The following WDR77 variants were observed in gnomAD, a reference collection of about 807,000 sequenced individuals.
WDR77 encodes the protein methylosome protein WDR77.
In WDR77, 31 loss-of-function variants were observed where a neutral mutation model predicts 44.0. The ratio of observed to expected loss-of-function variants is 0.70; its 90% CI spans 0.53 to 0.95. The LOEUF is 0.95. Ranked by LOEUF, WDR77 falls within the 40% of genes least tolerant of loss-of-function variation. WDR77 has a pLI of 0.00. For synonymous variants in WDR77, 186 were observed against 165.7 expected (o/e 1.12, Z -0.94); for missense variants, 390 against 423.9 (o/e 0.92, Z 0.70).
In WDR77 at chr1:111,447,467, G is replaced by A; in HGVS notation, c.411C>T (p.Gly137=). The change falls in exon 3 of 10, where the codon GGC becomes GGT. Residue 137 remains glycine (G), a synonymous_variant. Coordinates refer to ENST00000235090, the MANE Select transcript of WDR77 (RefSeq NM_024102.4). ...IVSTVSVLSS[G]TQAVSGSKDI... ...CTTTGCTACCACTGACAGCTTGTGT[G>A]CCAGAGCTCAAGACACTGACTGTAG... is the stretch of plus-strand genomic sequence containing the variant. The A allele has an allele frequency of 6.2e-7, 1 of 1,614,184 alleles. No individual in the cohort carries two copies. The highest frequency in any genetic ancestry group is 8.5e-7 in the Non-Finnish European group (1 of 1,180,024).
intron 4 of WDR77, among the ~76,000 whole-genome samples, chr1:111,446,371 G>A (rs1244584504): frequency 6.6e-6 from 1 of 152,102 alleles, no homozygotes; most frequent in Non-Finnish European, 1.5e-5. Context: ...CATTAAAAAA[G>A]TAATGGTTCT....
At chr1:111,448,913 G>A (rs989468117) in intron 1 of WDR77, 109 bp from the exon 2 acceptor site, 27 of 1,541,474 alleles carry the variant, frequency 1.8e-5, no homozygotes, top group Non-Finnish European at 2.4e-5. Flanking sequence ...CAGGAACGCG[G>A]GGCAGGGCTG....
Position 111,442,633 on chromosome 1 carries a change from CT to C in WDR77, c.800+19del, listed in dbSNP as rs762480243. 4.6e-6 allele frequency: 7 copies of C among 1,520,040 alleles called. No individual in the cohort carries two copies. The South Asian group carries it at 5.3e-5, about 11-fold the overall frequency. The allele number at this position is 1,520,040 out of a possible 1,614,324, so 94.2% of individuals were successfully genotyped here. ...GTTCCCATTTATACCCATCAGGCCC[CT>C]GATGACAAAGAACAGTACCTGTGTG... On this transcript the variant is annotated intron_variant, in intron 8 of 9. Coordinates refer to ENST00000235090, the MANE Select transcript of WDR77 (RefSeq NM_024102.4).
At position 111,444,133 on chromosome 1, in the gene WDR77, G is replaced by A. The variant is rs761215146; in HGVS notation, c.494-9C>T. 3 of 1,613,090 alleles carry A rather than the reference G, an allele frequency of 1.9e-6. No individual in the cohort carries two copies. Among genetic ancestry groups the A allele is most frequent in the Non-Finnish European group, 2.5e-6 (3 of 1,179,692 alleles). On this transcript the variant is annotated splice_polypyrimidine_tract_variant and intron_variant, in intron 4 of 9. Transcript: ENST00000235090. ...GACCTGAGCAGCATGAGCTATAAAG[G>A]AGAGAGAAAGAGAAATATGATAGAA...
Position 111,442,745 on chromosome 1 carries a change from T to C in WDR77, c.708A>G (p.Thr236=), listed in dbSNP as rs1258070504. The change falls in exon 8 of 10, where the codon ACA becomes ACG. Residue 236 remains threonine, a synonymous_variant. Transcript: ENST00000235090. ...TACTCTTGGTGTCCACAAGGGAGAC[T>C]GTCCCATTCTCATCACCTGTAGAAG... ...EVFVFGDENG[T]VSLVDTKSTS... 1 of 1,588,714 alleles carries C rather than the reference T, an allele frequency of 6.3e-7. No individual in the cohort carries two copies. Among genetic ancestry groups the C allele is most frequent in the South Asian group, 1.1e-5 (1 of 87,686 alleles).
At chr1:111,444,206 GC>G in intron 4 of WDR77, 82 bp from the exon 5 acceptor site, 1 of 1,385,912 alleles carries the variant, frequency 7.2e-7, no homozygotes, top group Non-Finnish European at 1.0e-6. Context: ...TAATCAAGGG[GC>G]AGGAGGGAGG....
In WDR77 at chr1:111,447,490, T is replaced by C; in HGVS notation, c.388A>G (p.Thr130Ala). ...GTGCCAGAGCTCAAGACACTGACTG[T>C]AGACACAATGTCATCATGCTCATAC... ...CKYEHDDIVS[T>A]VSVLSSGTQA... Residue 130 changes from threonine to alanine, a missense_variant, in exon 3 of 10, where the codon ACA (threonine) becomes GCA (alanine). Coordinates refer to ENST00000235090, the MANE Select transcript of WDR77 (RefSeq NM_024102.4). 2 of 1,614,218 alleles carry C rather than the reference T, an allele frequency of 1.2e-6. No homozygotes were observed. The highest frequency in any genetic ancestry group is 1.1e-5 in the South Asian group (1 of 91,086).
intron 4 of WDR77, 65 bp from the exon 5 acceptor site, chr1:111,444,189 C>T (rs1652927524): frequency 6.5e-7 from 1 of 1,528,378 alleles, no homozygotes; most frequent in Non-Finnish European, 9.0e-7. Context: ...GAGGGCCAGC[C>T]CAGGAATAAT....
At chr1:111,441,937 G>C in intron 9 of WDR77, 88 bp downstream of exon 9, 3 of 1,278,930 alleles carry the variant, frequency 2.3e-6, no homozygotes, top group Non-Finnish European at 3.4e-6. Flanking sequence ...TTCTCCAAAA[G>C]CACAACACAG....
chr1:111,445,813 G>C (rs931981468), intron 4 of WDR77, among the ~76,000 whole-genome samples: 4 of 152,072 alleles, frequency 2.6e-5, no homozygotes, highest in African/African-American at 9.7e-5. Flanking sequence ...CTGTTGCCCA[G>C]GCTGGAGTGC....
chr1:111,441,877 G>C, intron 9 of WDR77, 148 bp downstream of exon 9: 1 of 795,136 alleles, frequency 1.3e-6, no homozygotes, highest in South Asian at 1.7e-5. Context: ...AGGGTCAACA[G>C]CCAGCCTGCT....
Position 111,448,647 on chromosome 1 carries a change from C to T in WDR77, c.273G>A (p.Glu91=), listed in dbSNP as rs780503562. 6.2e-7 allele frequency: 1 copy of T among 1,614,198 alleles called. No individual in the cohort carries two copies. Among genetic ancestry groups the T allele is most frequent in the Non-Finnish European group, 8.5e-7 (1 of 1,180,030 alleles). The change falls in exon 2 of 10, where the codon GAG becomes GAA. Residue 91 remains glutamate (E), a synonymous_variant. Coordinates refer to ENST00000235090, the MANE Select transcript of WDR77 (RefSeq NM_024102.4). ...AATCGGAGGCCACTAGAATACCTCT[C>T]TCCCCAACCCAAGTGAGGTCAGCCA... ...AGVADLTWVG[E]RGILVASDSG...
In WDR77 at chr1:111,447,491, A is replaced by T. The variant is rs751402085; in HGVS notation, c.387T>A (p.Ser129=). 1 of 1,614,230 alleles carries T rather than the reference A, an allele frequency of 6.2e-7. No individual in the cohort carries two copies. The highest frequency in any genetic ancestry group is 8.5e-7 in the Non-Finnish European group (1 of 1,180,026). ...TGCCAGAGCTCAAGACACTGACTGT[A>T]GACACAATGTCATCATGCTCATACT... ...FCKYEHDDIV[S]TVSVLSSGTQ... The change falls in exon 3 of 10, where the codon TCT becomes TCA. Residue 129 remains serine, a synonymous_variant. Coordinates refer to ENST00000235090, the MANE Select transcript of WDR77 (RefSeq NM_024102.4).
intron 7 of WDR77, 22 bp downstream of exon 7, chr1:111,443,301 G>GGGAAAGTGTAAGTCTGACACGTGT: frequency 6.5e-7 from 1 of 1,549,976 alleles, no homozygotes; most frequent in Non-Finnish European, 8.7e-7. Flanking sequence ...GAGTCAATAT[G>GGGAAAGTGTAAGTCTGACACGTGT]AAGTCTGACA....
Position 111,442,740 on chromosome 1 carries a change from G to GAGACTGTCCCATTCTCATCT in WDR77, c.712_713insAGATGAGAATGGGACAGTCT (p.Ser238Ter). 12 of 1,595,660 alleles carry GAGACTGTCCCATTCTCATCT rather than the reference G, an allele frequency of 7.5e-6. No individual in the cohort carries two copies. Among genetic ancestry groups the GAGACTGTCCCATTCTCATCT allele is most frequent in the Non-Finnish European group, 1.0e-5 (12 of 1,167,220 alleles). On this transcript the variant is annotated stop_gained and frameshift_variant, in exon 8 of 10. Transcript: ENST00000235090. LOFTEE classifies it high-confidence loss of function. ...GCTTGTACTCTTGGTGTCCACAAGG[G>GAGACTGTCCCATTCTCATCT]AGACTGTCCCATTCTCATCACCTGT...
intron 4 of WDR77, 126 bp from the exon 5 acceptor site, chr1:111,444,250 T>G (rs1239687482): frequency 2.3e-6 from 2 of 862,050 alleles, no homozygotes; most frequent in East Asian, 5.2e-5. Context: ...TTTAACAAAT[T>G]TTGTGGGAGA....
chr1:111,441,373 G>A lies in WDR77; in HGVS notation c.886C>T (p.His296Tyr). Reference sequence around the variant, plus strand: ...GTCGCATCTCTCACAAAGTCTCTGTGGGCTTGGCTTCTAAACCTAGAAGAA... The same window carrying A: ...GTCGCATCTCTCACAAAGTCTCTGTAGGCTTGGCTTCTAAACCTAGAAGAA... Reference protein sequence around the residue: ...SLSELFRSQAHRDFVRDATWS... With the variant: ...SLSELFRSQAYRDFVRDATWS... The change falls in exon 10 of 10, where the codon CAC becomes TAC. Residue 296 changes from histidine to tyrosine, a missense_variant. Physicochemically the swap from His to Tyr is moderately conservative, Grantham distance 83 (BLOSUM62 2). Transcript: ENST00000235090. 1 of 1,538,468 alleles carries A rather than the reference G, an allele frequency of 6.5e-7. No individual in the cohort carries two copies. Among genetic ancestry groups the A allele is most frequent in the Non-Finnish European group, 8.8e-7 (1 of 1,138,750 alleles).
In WDR77 at chr1:111,449,212, G is replaced by T. The variant is rs1653207563; in HGVS notation, c.-43C>A. On this transcript the variant is annotated 5_prime_UTR_variant, in exon 1 of 10. Coordinates refer to ENST00000235090, the MANE Select transcript of WDR77 (RefSeq NM_024102.4). ...CAACCTAGACTCAAACTGGACGCCGGCCGGAGACTCCGCTCCGGCAGCAAA... is the reference window on the plus strand; with the variant it reads ...CAACCTAGACTCAAACTGGACGCCGTCCGGAGACTCCGCTCCGGCAGCAAA... 3 of 1,539,156 alleles carry T rather than the reference G, an allele frequency of 1.9e-6. No individual in the cohort carries two copies. The African/African-American group carries it at 4.1e-5, about 21-fold the overall frequency.
At chr1:111,448,881 C>T in intron 1 of WDR77, 77 bp from the exon 2 acceptor site, 2 of 1,544,690 alleles carry the variant, frequency 1.3e-6, no homozygotes, top group Non-Finnish European at 8.7e-7. Flanking sequence ...AACAGCGTTC[C>T]GGCCGGGTCT....
Sources: gnomAD v4.1 joint callset for allele counts (sites outside exome capture counted in the v4.1 genomes callset) on GRCh38, gnomAD v4.1.1 for gene constraint, MANE v1.5 for transcripts, NCBI Gene and HGNC (gene_info 2026-07-23, HGNC 2026-07-21) for gene names.